ACAT1: variants seen among roughly 807,000 people sequenced by gnomAD.
The protein encoded by ACAT1 is acetyl-CoA acetyltransferase, mitochondrial.
ACAT1 carries 28 observed loss-of-function variants against 47.3 expected under a neutral mutation model. That is an observed-to-expected ratio of 0.59 (90% confidence interval 0.44 to 0.81). ACAT1 has a LOEUF of 0.81. Among genes scored for constraint, ACAT1 ranks in the 30% least tolerant of loss-of-function variants. The probability of loss-of-function intolerance (pLI) is 0.00; values close to 1 mark genes in which losing one functional copy is unlikely to be tolerated. For missense variants in ACAT1, 469 were observed against 524.3 expected (o/e 0.89, Z 1.03); for synonymous variants, 181 against 173.6 (o/e 1.04, Z -0.34).
upstream of ACAT1, among the ~76,000 whole-genome samples, chr11:108,119,721 A>C (rs569874544): frequency 6.6e-6 from 1 of 152,274 alleles, no homozygotes; most frequent in East Asian, 1.9e-4. Flanking sequence ...CTTCCTTTCA[A>C]TAATTCTCGA....
intron 1 of ACAT1, among the ~76,000 whole-genome samples, chr11:108,130,980 T>C (rs2077346627): frequency 6.6e-6 from 1 of 152,270 alleles, no homozygotes; most frequent in African/African-American, 2.4e-5. Context: ...CTCTAACTCC[T>C]GACCTCCAGT....
chr11:108,145,677 TCTGTCCC>T (rs2077690707), intron 10 of ACAT1, among the ~76,000 whole-genome samples: 2 of 152,330 alleles, frequency 1.3e-5, no homozygotes, highest in East Asian at 3.9e-4. Context: ...AATCAAATTT[TCTGTCCC>T]CTATGTCAAA....
Position 108,133,862 on chromosome 11 carries a change from T to A in ACAT1, c.163T>A (p.Phe55Ile), listed in dbSNP as rs1268424543. ...VSATRTPIGS[F>I]LGSLSLLPAT... is the part of the protein sequence containing the mutation. ...TGCTACAAGAACACCCATTGGATCT[T>A]TTTTAGGCAGCCTTTCCTTGCTGCC... Residue 55 changes from phenylalanine (F) to isoleucine (I), a missense_variant, in exon 3 of 12, where the codon TTT (phenylalanine) becomes ATT (isoleucine). By Grantham distance (21) the Phe-to-Ile change is conservative (BLOSUM62 0). Coordinates refer to ENST00000265838, the MANE Select transcript of ACAT1 (RefSeq NM_000019.4). The A allele has an allele frequency of 1.2e-6, 2 of 1,614,006 alleles. No individual in the cohort carries two copies. Among genetic ancestry groups the A allele is most frequent in the East Asian group, 4.5e-5 (2 of 44,874 alleles).
chr11:108,140,194 C>A lies in ACAT1; in HGVS notation c.709C>A (p.Pro237Thr), dbSNP rs754478568. Residue 237 changes from proline to threonine, a missense_variant, in exon 7 of 12, where the codon CCT (proline) becomes ACT (threonine). By Grantham distance (38) the Pro-to-Thr change is conservative. Coordinates refer to ENST00000265838, the MANE Select transcript of ACAT1 (RefSeq NM_000019.4). Reference sequence around the variant, plus strand: ...TGGGAAATTTGGAAATGAAGTTATTCCTGTCACAGTTACAGTAAAAGGTAG... The same window carrying A: ...TGGGAAATTTGGAAATGAAGTTATTACTGTCACAGTTACAGTAAAAGGTAG... ...EAGKFGNEVI[P>T]VTVTVKGQPD... The A allele has an allele frequency of 1.4e-5, 22 of 1,613,924 alleles. No homozygotes were observed. In the Admixed American group the frequency reaches 3.3e-4, roughly 24 times the overall value.
upstream of ACAT1, among the ~76,000 whole-genome samples, chr11:108,116,736 G>C (rs1035935810): frequency 2.0e-5 from 3 of 152,200 alleles, no homozygotes; most frequent in Non-Finnish European, 4.4e-5. Context: ...CCACACACAG[G>C]GGAGAAGACA....
rs866483902 is a variant in ACAT1 at position 108,141,731 on chromosome 11, A to T, written c.826+31A>T. ...TGTTAAGAAATGAAGCATAAGAAAAAATTGAGCCAGTATACCATATCTAGT... is the reference window on the plus strand; with the variant it reads ...TGTTAAGAAATGAAGCATAAGAAAATATTGAGCCAGTATACCATATCTAGT... On this transcript the variant is annotated intron_variant, in intron 8 of 11. Transcript: ENST00000265838. 5.3e-6 allele frequency: 8 copies of T among 1,519,868 alleles called. No homozygotes were observed. The African/African-American group carries it at 6.9e-5, about 13-fold the overall frequency. The allele number at this position is 1,519,868 out of a possible 1,614,324, so 94.1% of individuals were successfully genotyped here. A position where few individuals can be genotyped will look rare whatever the true frequency, so the allele number is the denominator to read the frequency against.
chr11:108,118,725 T>G (rs1214307676), upstream of ACAT1, among the ~76,000 whole-genome samples: 2 of 152,232 alleles, frequency 1.3e-5, no homozygotes, highest in African/African-American at 2.4e-5. Flanking sequence ...GTGCTCATAT[T>G]GGTGATAAAG....
chr11:108,134,607 C>T (rs186593124), intron 4 of ACAT1, among the ~76,000 whole-genome samples: 15 of 137,458 alleles, frequency 1.1e-4, no homozygotes, highest in African/African-American at 4.1e-4. Flanking sequence ...CATTGCACTC[C>T]AACCTGGGCG....
At chr11:108,127,065 CT>C (rs2077263963) in intron 1 of ACAT1, among the ~76,000 whole-genome samples, 1 of 151,862 alleles carries the variant, frequency 6.6e-6, no homozygotes, top group African/African-American at 2.4e-5. Context: ...ATCCGCCCCC[CT>C]CGGCCTCCCA....
upstream of ACAT1, among the ~76,000 whole-genome samples, chr11:108,120,034 C>T (rs558107875): frequency 6.6e-6 from 1 of 152,182 alleles, no homozygotes; most frequent in South Asian, 2.1e-4. Flanking sequence ...CTCTGGGCAA[C>T]ATGGTGAAAA....
chr11:108,140,111 A>G lies in ACAT1; in HGVS notation c.626A>G (p.Asn209Ser), dbSNP rs2077556707. ...NTAKKLNIAR[N>S]EQDAYAINSY... ...GCAAAGAAGCTGAATATTGCACGAA[A>G]TGAACAGGACGCTTATGCTATTAAT... Residue 209 changes from asparagine (N) to serine (S), a missense_variant, in exon 7 of 12, where the codon AAT becomes AGT. Physicochemically the swap from Asn to Ser is conservative, Grantham distance 46. Coordinates refer to ENST00000265838, the MANE Select transcript of ACAT1 (RefSeq NM_000019.4). 1.2e-6 allele frequency: 2 copies of G among 1,614,058 alleles called. No homozygotes were observed. The highest frequency in any genetic ancestry group is 2.2e-5 in the South Asian group (2 of 91,094).
chr11:108,143,292 T>C (rs1368223358), intron 9 of ACAT1: 1 of 152,122 alleles, frequency 6.6e-6, no homozygotes. Context: ...TCTTTTTTTT[T>C]AAATTAAGCT....
chr11:108,142,769 T>G (rs2077617387), intron 9 of ACAT1: 1 of 525,602 alleles, frequency 1.9e-6, no homozygotes, highest in East Asian at 3.6e-5. Flanking sequence ...CCCAGGAGTT[T>G]GAGGTTGCAG....
chr11:108,141,403 G>A (rs1046370178), intron 7 of ACAT1, among the ~76,000 whole-genome samples: 1 of 133,422 alleles, frequency 7.5e-6, no homozygotes, highest in African/African-American at 2.7e-5. Context: ...AAATTGTGAA[G>A]CTACTTTGTA....
At chr11:108,122,002 TC>T (rs1471461202) in intron 1 of ACAT1, 6 of 469,622 alleles carry the variant, frequency 1.3e-5, no homozygotes, top group Non-Finnish European at 2.3e-5. Context: ...AGCGGTGGGA[TC>T]GGGGAGAGTC....
At chr11:108,118,649 C>T (rs954990046), upstream of ACAT1, among the ~76,000 whole-genome samples, 4 of 152,162 alleles carry the variant, frequency 2.6e-5, no homozygotes, top group Admixed American at 6.5e-5. Context: ...GGATTACAGG[C>T]GTGAGCCACC....
In ACAT1 at chr11:108,135,149, T is replaced by A. The variant is rs941750006; in HGVS notation, c.342T>A (p.Pro114=). Residue 114 remains proline, a synonymous_variant, in exon 5 of 12, where the codon CCT becomes CCA. Coordinates refer to ENST00000265838, the MANE Select transcript of ACAT1 (RefSeq NM_000019.4). ...GACTTATATTGGTTTTAGGCTTACC[T>A]ATTTCTACTCCATGTACCACCATAA... ...TRQAVLGAGL[P]ISTPCTTINK... The A allele has an allele frequency of 2.5e-6, 4 of 1,612,694 alleles. No homozygotes were observed. In the African/African-American group the frequency reaches 5.3e-5, roughly 22 times the overall value.
chr11:108,129,328 T>C (rs2077312347), intron 1 of ACAT1: 1 of 152,232 alleles, frequency 6.6e-6, no homozygotes, highest in South Asian at 2.1e-4. Context: ...CAATTGCAAA[T>C]TGTGCTGCTA....
At chr11:108,125,848 C>A (rs192071655) in intron 1 of ACAT1, among the ~76,000 whole-genome samples, 161 of 151,528 alleles carry the variant, frequency 1.1e-3, no homozygotes, top group African/African-American at 3.6e-3. Context: ...ATGGCGTGAA[C>A]CTGGGAGGCG....
Sources: allele counts gnomAD v4.1 joint callset (sites outside exome capture counted in the v4.1 genomes callset), GRCh38; gene constraint gnomAD v4.1.1; transcripts MANE v1.5; gene names NCBI Gene and HGNC (gene_info 2026-07-23, HGNC 2026-07-21).